TFEC: variants seen among roughly 807,000 people sequenced by gnomAD.
The protein encoded by TFEC is transcription factor EC, also known as class E basic helix-loop-helix protein 34.
Under a neutral mutation model 41.6 loss-of-function variants are expected in TFEC, and 31 were observed. The observed-to-expected ratio is 0.74, with a 90% CI of 0.56 to 1.01. The LOEUF (loss-of-function observed/expected upper bound fraction) is 1.01, where lower values mean the gene tolerates loss of function less well. Among genes scored for constraint, TFEC ranks in the 50% least tolerant of loss-of-function variants. The pLI, the probability that TFEC is intolerant of heterozygous loss-of-function variation, is 0.00. For synonymous variants in TFEC, 143 were observed against 140.6 expected (o/e 1.02, Z -0.12); for missense variants, 402 against 404.1 (o/e 0.99, Z 0.04).
In TFEC at chr7:116,062,225, C is replaced by CTTTTTTTTTTTTTTTTTT. The variant is rs569480964; in HGVS notation, c.198+48465_198+48482dup. 3.7e-4 allele frequency among the ~76,000 whole-genome samples: 19 copies of CTTTTTTTTTTTTTTTTTT among 51,912 alleles called. 2 individuals are homozygous for CTTTTTTTTTTTTTTTTTT. The highest frequency in any genetic ancestry group is 1.1e-3 in the African/African-American group (10 of 8,896). 34.1% of individuals were successfully genotyped at this position (51,912 alleles called of 152,430 possible). A position where few individuals can be genotyped will look rare whatever the true frequency, so the allele number is the denominator to read the frequency against. On this transcript the variant is annotated intron_variant, in intron 3 of 8. Coordinates refer to the TFEC transcript ENST00000484212. The stretch of plus-strand genomic sequence containing the variant: ...ACAGGCATGTGCCAACATGCCTGGC[C>CTTTTTTTTTTTTTTTTTT]TTTTTTTTTTTTTTTTTTTTTTTTT...
At chr7:116,023,444 A>G (rs1400844083) in intron 1 of TFEC, among the ~76,000 whole-genome samples, 1 of 152,166 alleles carries the variant, frequency 6.6e-6, no homozygotes, top group African/African-American at 2.4e-5. Context: ...TATCAAACTG[A>G]TTTCATAGTG....
At chr7:116,014,305 T>C (rs1180784760) in intron 1 of TFEC, among the ~76,000 whole-genome samples, 2 of 152,074 alleles carry the variant, frequency 1.3e-5, no homozygotes, top group African/African-American at 4.8e-5. Flanking sequence ...TGGAAAGAAC[T>C]AAAATGACAC....
At chr7:116,116,769 CT>C (rs1797999249) in intron 1 of TFEC, among the ~76,000 whole-genome samples, 1 of 151,852 alleles carries the variant, frequency 6.6e-6, no homozygotes, top group South Asian at 2.1e-4. Context: ...TCTACTGATT[CT>C]TTCAATCAGG....
chr7:115,983,300 CT>C (rs1436443356), intron 2 of TFEC, among the ~76,000 whole-genome samples: 1 of 151,934 alleles, frequency 6.6e-6, no homozygotes, highest in East Asian at 1.9e-4. Flanking sequence ...CTGCCACATC[CT>C]TATTTTTTTC....
intron 6 of TFEC, among the ~76,000 whole-genome samples, chr7:115,946,396 CGTGTGTGTGTGTGTGTGTGTGTGTGT>C (rs3028673): frequency 4.1e-5 from 5 of 123,156 alleles, no homozygotes; most frequent in Non-Finnish European, 8.9e-5. Context: ...AGAAACATAA[CGTGTGTGTGTGTGTGTGTGTGTGTGT>C]GTGTGTGTGT....
intron 1 of TFEC, among the ~76,000 whole-genome samples, chr7:116,028,817 T>C (rs1795681429): frequency 6.6e-6 from 1 of 152,226 alleles, no homozygotes; most frequent in African/African-American, 2.4e-5. Flanking sequence ...ATTTCACTAG[T>C]TTATCTAAAA....
intron 3 of TFEC, among the ~76,000 whole-genome samples, chr7:115,971,567 T>G (rs1301306640): frequency 6.6e-6 from 1 of 151,920 alleles, no homozygotes; most frequent in African/African-American, 2.4e-5. Context: ...TTCTCTTTCT[T>G]GAAATTACAG....
At chr7:116,156,734 T>C (rs1798876983) in intron 1 of TFEC, among the ~76,000 whole-genome samples, 1 of 152,210 alleles carries the variant, frequency 6.6e-6, no homozygotes, top group Non-Finnish European at 1.5e-5. Flanking sequence ...TTAATATGAA[T>C]AGAGCCCAGA....
At chr7:116,158,661 T>C (rs959272731) in intron 1 of TFEC, among the ~76,000 whole-genome samples, 1 of 152,122 alleles carries the variant, frequency 6.6e-6, no homozygotes, top group Non-Finnish European at 1.5e-5. Flanking sequence ...GAAGTTTGGT[T>C]GTGCTCTCCT....
chr7:115,939,432 G>A lies in TFEC; in HGVS notation c.*1119C>T, dbSNP rs1165760003. ...AACCAAAGATCATAGGACACTCTAAGTGTTTATAGAAATAGAACCTTACGT... is the reference window on the plus strand; with the variant it reads ...AACCAAAGATCATAGGACACTCTAAATGTTTATAGAAATAGAACCTTACGT... On this transcript the variant is annotated 3_prime_UTR_variant, in exon 8 of 8. Coordinates refer to ENST00000265440, the MANE Select transcript of TFEC (RefSeq NM_012252.4). 1 of 151,994 alleles carries A rather than the reference G, an allele frequency of 6.6e-6. No homozygotes were observed. Among genetic ancestry groups the A allele is most frequent in the Non-Finnish European group, 1.5e-5 (1 of 67,964 alleles). 9.4% of individuals were successfully genotyped at this position (151,994 alleles called of 1,614,324 possible). A position where few individuals can be genotyped will look rare whatever the true frequency, so the allele number is the denominator to read the frequency against.
chr7:116,066,909 G>A (rs1247126675), intron 3 of TFEC, among the ~76,000 whole-genome samples: 1 of 151,936 alleles, frequency 6.6e-6, no homozygotes, highest in African/African-American at 2.4e-5. Context: ...TTATGTAGAG[G>A]CCATAATTTG....
chr7:116,047,795 G>A (rs956320355), intron 3 of TFEC, among the ~76,000 whole-genome samples: 1 of 152,186 alleles, frequency 6.6e-6, no homozygotes, highest in African/African-American at 2.4e-5. Context: ...GCCCCTCTGA[G>A]ACGAAGCTTC....
At chr7:116,042,573 C>T (rs370813947) in intron 3 of TFEC, among the ~76,000 whole-genome samples, 1 of 152,224 alleles carries the variant, frequency 6.6e-6, no homozygotes, top group South Asian at 2.1e-4. Flanking sequence ...TAAACTTAAC[C>T]TTGGACATAA....
At chr7:115,954,271 T>C (rs1792099234) in intron 5 of TFEC, among the ~76,000 whole-genome samples, 1 of 152,112 alleles carries the variant, frequency 6.6e-6, no homozygotes, top group Non-Finnish European at 1.5e-5. Context: ...AAAGTCACTT[T>C]TATCTCTTTA....
At chr7:115,968,257 T>C (rs761026313) in intron 3 of TFEC, 80 of 1,529,936 alleles carry the variant, frequency 5.2e-5, no homozygotes, top group Non-Finnish European at 6.4e-5. Flanking sequence ...TCATTTTCTT[T>C]TCCTTAAACT....
chr7:116,141,985 G>T (rs190325543), intron 1 of TFEC, among the ~76,000 whole-genome samples: 2 of 152,214 alleles, frequency 1.3e-5, no homozygotes, highest in African/African-American at 4.8e-5. Flanking sequence ...GGTCTGGTTT[G>T]GGGTTTATCT....
chr7:116,061,740 C>A (rs117334378), intron 3 of TFEC, among the ~76,000 whole-genome samples: 2,322 of 152,098 alleles, frequency 0.015, 28 homozygotes, highest in Middle Eastern at 0.058. Flanking sequence ...TGTTCTGAAA[C>A]TCCCTAAATT....
At chr7:116,096,535 T>C (rs1797465079) in intron 3 of TFEC, among the ~76,000 whole-genome samples, 1 of 152,206 alleles carries the variant, frequency 6.6e-6, no homozygotes, top group Non-Finnish European at 1.5e-5. Flanking sequence ...CTCACTGTCA[T>C]ATTAATTTGC....
intron 3 of TFEC, among the ~76,000 whole-genome samples, chr7:116,107,808 G>A (rs1370360437): frequency 6.6e-6 from 1 of 152,210 alleles, no homozygotes; most frequent in Admixed American, 6.5e-5. Context: ...TGCCAGTCAT[G>A]CAATTTTGAG....
Sources: gnomAD v4.1 joint callset for allele counts (sites outside exome capture counted in the v4.1 genomes callset) on GRCh38, gnomAD v4.1.1 for gene constraint, MANE v1.5 for transcripts, NCBI Gene and HGNC (gene_info 2026-07-23, HGNC 2026-07-21) for gene names.